Variants in ANKRD35 observed in about 807,000 individuals in gnomAD.
The protein encoded by ANKRD35 is ankyrin repeat domain 35, also known as ankyrin repeat domain-containing protein 35.
In ANKRD35, 102 loss-of-function variants were observed where a neutral mutation model predicts 109.9. That is an observed-to-expected ratio of 0.93 (90% confidence interval 0.79 to 1.09). The LOEUF is 1.09. Ranked by LOEUF, ANKRD35 falls within the 50% of genes least tolerant of loss-of-function variation. ANKRD35 has a pLI of 0.00. For synonymous variants in ANKRD35, 515 were observed against 512.4 expected (o/e 1.01, Z -0.07); for missense variants, 1,240 against 1,230.1 (o/e 1.01, Z -0.12).
Position 145,867,483 on chromosome 1 carries a change from CTATT to C in ANKRD35, c.2944-95_2944-92del, listed in dbSNP as rs1456093231. The C allele has an allele frequency of 4.5e-6, 5 of 1,110,226 alleles. No individual in the cohort carries two copies. In the Admixed American group the frequency reaches 5.3e-5, roughly 12 times the overall value. The allele number at this position is 1,110,226 out of a possible 1,614,324, so 68.8% of individuals were successfully genotyped here. ...AGAGGTTCTGTGGTACAGTGGAAGG[CTATT>C]TATTTACTATATACCTTCACTTATA... On this transcript the variant is annotated intron_variant, in intron 12 of 13. Transcript: ENST00000355594.
At chr1:145,885,596 G>T in intron 1 of ANKRD35, 124 bp downstream of exon 1, 2 of 1,198,016 alleles carry the variant, frequency 1.7e-6, no homozygotes, top group Non-Finnish European at 2.4e-6. Context: ...TTCCTTGCAA[G>T]ACTAGAAGAG....
chr1:145,885,726 CT>C lies in ANKRD35; in HGVS notation c.32del (p.Gln11ArgfsTer56). 2 of 1,614,154 alleles carry C rather than the reference CT, an allele frequency of 1.2e-6. No homozygotes were observed. The highest frequency in any genetic ancestry group is 1.7e-6 in the Non-Finnish European group (2 of 1,180,014). On this transcript the variant is annotated frameshift_variant, in exon 1 of 14. Coordinates refer to ENST00000355594, the MANE Select transcript of ANKRD35 (RefSeq NM_144698.5). LOFTEE classifies it high-confidence loss of function. ...CACACATTTTGGCACCTACCGCCACCTGTGTGCTGGAGCAGGAGAAGATACG... is the reference window on the plus strand; with the variant it reads ...CACACATTTTGGCACCTACCGCCACCGTGTGCTGGAGCAGGAGAAGATACG... MKRIFSCSST[Q>X]VAVERWNRHD...
At position 145,868,370 on chromosome 1, in the gene ANKRD35, G is replaced by C. The variant is rs1553738067; in HGVS notation, c.2818C>G (p.Leu940Val). ...IKELLKKLEQ[L>V]SEEVLAIRGE... Reference sequence around the variant, plus strand: ...CGAATTGCTAGAACCTCTTCTGAAAGCTGCTCCAGCTTCTTCAACAACTCC... The same window carrying C: ...CGAATTGCTAGAACCTCTTCTGAAACCTGCTCCAGCTTCTTCAACAACTCC... The change falls in exon 11 of 14, where the codon CTT becomes GTT. Residue 940 changes from leucine (L) to valine (V), a missense_variant. Leu to Val is a conservative substitution (Grantham distance 32). Transcript: ENST00000355594. The C allele has an allele frequency of 6.2e-7, 1 of 1,614,172 alleles. No individual in the cohort carries two copies. Among genetic ancestry groups the C allele is most frequent in the Admixed American group, 1.7e-5 (1 of 60,022 alleles).
At position 145,868,063 on chromosome 1, in the gene ANKRD35, A is replaced by G; in HGVS notation, c.2878-7T>C. ...CATGGTTCTTCTGGGAATCCTGGGA[A>G]TGAACATCAATGGGAAGTCACATGT... On this transcript the variant is annotated splice_region_variant and splice_polypyrimidine_tract_variant and intron_variant, in intron 11 of 13. Transcript: ENST00000355594. 2 of 1,613,784 alleles carry G rather than the reference A, an allele frequency of 1.2e-6. No individual in the cohort carries two copies. Among genetic ancestry groups the G allele is most frequent in the Non-Finnish European group, 1.7e-6 (2 of 1,179,748 alleles).
At chr1:145,884,026 G>A (rs763860560) in intron 1 of ANKRD35, among the ~76,000 whole-genome samples, 30 of 152,176 alleles carry the variant, frequency 2.0e-4, no homozygotes, top group Non-Finnish European at 3.5e-4. Context: ...CAGAGGGATG[G>A]TTCCAAATTC....
At position 145,875,056 on chromosome 1, in the gene ANKRD35, A is replaced by T. The variant is rs587642903; in HGVS notation, c.561-50T>A. On this transcript the variant is annotated intron_variant, in intron 7 of 13. Coordinates refer to ENST00000355594, the MANE Select transcript of ANKRD35 (RefSeq NM_144698.5). ...ACAGACTTTCCACATGGAACCCAGAAGTCCTGGTTCCAGACATTCCACTCA... is the reference window on the plus strand; with the variant it reads ...ACAGACTTTCCACATGGAACCCAGATGTCCTGGTTCCAGACATTCCACTCA... 9.2e-6 allele frequency: 14 copies of T among 1,522,212 alleles called. No homozygotes were observed. The South Asian group carries it at 1.7e-4, about 19-fold the overall frequency. The allele number at this position is 1,522,212 out of a possible 1,614,324, so 94.3% of individuals were successfully genotyped here.
At chr1:145,881,541 C>T (rs587774712) in intron 1 of ANKRD35, among the ~76,000 whole-genome samples, 48 of 152,282 alleles carry the variant, frequency 3.2e-4, no homozygotes, top group African/African-American at 1.1e-3. Context: ...CATGTAAGAA[C>T]GCATTTTCTA....
At chr1:145,877,342 C>G (rs587605540) in intron 4 of ANKRD35, among the ~76,000 whole-genome samples, 223 of 151,596 alleles carry the variant, frequency 1.5e-3, no homozygotes, top group African/African-American at 5.1e-3. Context: ...AAGCGATTCT[C>G]CTGCCTCAGC....
chr1:145,872,497 G>A lies in ANKRD35; in HGVS notation c.2272C>T (p.Arg758Trp). Residue 758 changes from arginine to tryptophan, a missense_variant, in exon 10 of 14, where the codon CGG becomes TGG. By Grantham distance (101) the Arg-to-Trp change is moderately radical. Transcript: ENST00000355594. The stretch of plus-strand genomic sequence containing the variant: ...TCCCTACACGGGGACAAGGACCCCC[G>A]CAACTGCTGGTTTTCTTCTTGCAGC... ...ARLQEENQQL[R>W]GSLSPCREPG... 3.1e-6 allele frequency: 5 copies of A among 1,599,444 alleles called. No homozygotes were observed. The highest frequency in any genetic ancestry group is 1.1e-5 in the South Asian group (1 of 89,406).
At position 145,871,153 on chromosome 1, in the gene ANKRD35, C is replaced by CTTTTTTTTTT. The variant is rs59433424; in HGVS notation, c.2787+819_2787+828dup. Among the ~76,000 whole-genome samples the CTTTTTTTTTT allele has an allele frequency of 6.4e-4, 50 of 78,096 alleles. 3 individuals carry two copies. Among genetic ancestry groups the CTTTTTTTTTT allele is most frequent in the Non-Finnish European group, 8.5e-4 (33 of 38,932 alleles). The allele number at this position is 78,096 out of a possible 152,430, so 51.2% of individuals were successfully genotyped here. On this transcript the variant is annotated intron_variant, in intron 10 of 13. Transcript: ENST00000355594. ...TCTTTCTTTCTTTCTTTTCTTTTTT[C>CTTTTTTTTTT]TTTTTTTTTTTTTTTTTTTTTTTTT... is the stretch of plus-strand genomic sequence containing the variant.
chr1:145,878,593 C>A (rs1654172608), intron 2 of ANKRD35, 114 bp from the exon 3 acceptor site: 1 of 973,674 alleles, frequency 1.0e-6, no homozygotes, highest in South Asian at 1.6e-5. Flanking sequence ...ATCCTAAAAG[C>A]AGGAAAAGAA....
chr1:145,884,177 T>C (rs1385454999), intron 1 of ANKRD35, among the ~76,000 whole-genome samples: 3 of 152,210 alleles, frequency 2.0e-5, no homozygotes, highest in African/African-American at 7.2e-5. Flanking sequence ...CAACATTGAA[T>C]ACTTTCAGTA....
intron 1 of ANKRD35, among the ~76,000 whole-genome samples, chr1:145,883,163 C>T (rs1553741407): frequency 2.7e-5 from 4 of 146,842 alleles, no homozygotes; most frequent in African/African-American, 1.0e-4. Flanking sequence ...CGGCTCACTG[C>T]AACCTCCGCC....
chr1:145,879,609 G>A (rs1654215112), intron 1 of ANKRD35, among the ~76,000 whole-genome samples: 1 of 151,756 alleles, frequency 6.6e-6, no homozygotes. Flanking sequence ...TTCCAGCCCT[G>A]AGCCAGAAGG....
intron 8 of ANKRD35, 115 bp downstream of exon 8, chr1:145,874,707 C>G (rs1360062976): frequency 7.8e-7 from 1 of 1,281,266 alleles, no homozygotes; most frequent in African/African-American, 1.5e-5. Context: ...AATACGTAAA[C>G]TCTCAACCCA....
intron 9 of ANKRD35, 46 bp from the exon 10 acceptor site, chr1:145,874,031 C>A: frequency 6.2e-7 from 1 of 1,611,768 alleles, no homozygotes; most frequent in Non-Finnish European, 8.5e-7. Context: ...AGGCAACGAA[C>A]TGAGCCCTAG....
chr1:145,872,074 G>A lies in ANKRD35; in HGVS notation c.2695C>T (p.Arg899Trp). 1 of 1,613,456 alleles carries A rather than the reference G, an allele frequency of 6.2e-7. No homozygotes were observed. The highest frequency in any genetic ancestry group is 8.5e-7 in the Non-Finnish European group (1 of 1,179,846). The change falls in exon 10 of 14, where the codon CGG (arginine) becomes TGG (tryptophan). Residue 899 changes from arginine (R) to tryptophan (W), a missense_variant. Arg to Trp is a moderately radical substitution (Grantham distance 101, BLOSUM62 -3). Coordinates refer to ENST00000355594, the MANE Select transcript of ANKRD35 (RefSeq NM_144698.5). ...AEQERQASEM[R>W]GRSEQFEKTA... Reference sequence around the variant, plus strand: ...TTCTCAAACTGCTCGGAGCGCCCCCGCATCTCGCTGGCCTGGCGCTCTTGT... The same window carrying A: ...TTCTCAAACTGCTCGGAGCGCCCCCACATCTCGCTGGCCTGGCGCTCTTGT...
intron 10 of ANKRD35, among the ~76,000 whole-genome samples, chr1:145,871,398 G>A (rs1442023347): frequency 1.3e-5 from 2 of 151,776 alleles, no homozygotes; most frequent in Non-Finnish European, 2.9e-5. Context: ...CCTGACCTCA[G>A]GTGATCCACC....
chr1:145,868,346 G>A lies in ANKRD35; in HGVS notation c.2842C>T (p.Arg948Trp), dbSNP rs148940814. 50 of 1,614,002 alleles carry A rather than the reference G, an allele frequency of 3.1e-5. 1 individual carries two copies. The highest frequency in any genetic ancestry group is 1.2e-4 in the Admixed American group (7 of 60,002). The change falls in exon 11 of 14, where the codon CGG (arginine) becomes TGG (tryptophan). Residue 948 changes from arginine to tryptophan, a missense_variant. Coordinates refer to ENST00000355594, the MANE Select transcript of ANKRD35 (RefSeq NM_144698.5). ...AGGGCAAGGCGAGCATTTTCTCCCC[G>A]AATTGCTAGAACCTCTTCTGAAAGC... ...EQLSEEVLAIRGENARLALQL... is the reference protein window; with the variant it reads ...EQLSEEVLAIWGENARLALQL...
Sources: allele counts gnomAD v4.1 joint callset (sites outside exome capture counted in the v4.1 genomes callset), GRCh38; gene constraint gnomAD v4.1.1; transcripts MANE v1.5; gene names NCBI Gene and HGNC (gene_info 2026-07-23, HGNC 2026-07-21).